HOMER1: variants seen among roughly 807,000 people sequenced by gnomAD.
HOMER1 encodes homer scaffold protein 1, also known as homer protein homolog 1.
A neutral mutation model predicts 48.9 loss-of-function variants in HOMER1; 3 were observed. The observed-to-expected ratio is 0.06, with a 90% confidence interval of 0.03 to 0.16. The LOEUF (loss-of-function observed/expected upper bound fraction) is 0.16. Among genes scored for constraint, HOMER1 ranks in the 10% least tolerant of loss-of-function variants. The pLI is 1.00. For missense variants in HOMER1, 247 were observed against 411.4 expected (o/e 0.60, Z 3.46); for synonymous variants, 134 against 146.4 (o/e 0.92, Z 0.61).
In HOMER1 at chr5:79,404,687, G is replaced by A. The variant is rs370512104; in HGVS notation, c.528-2632C>T. Among the ~76,000 whole-genome samples, 21 of 151,856 alleles carry A rather than the reference G, an allele frequency of 1.4e-4. No homozygotes were observed. The South Asian group carries it at 4.2e-3, about 30-fold the overall frequency. On this transcript the variant is annotated intron_variant, in intron 5 of 8. Transcript: ENST00000334082. ...GAACAGTACTGTTCAAGAGGATCTT[G>A]ACATTCTGCCTTTTCTTTCTTTCTT...
At chr5:79,393,281 C>CA (rs1561346161) in intron 8 of HOMER1, among the ~76,000 whole-genome samples, 1 of 152,012 alleles carries the variant, frequency 6.6e-6, no homozygotes, top group East Asian at 1.9e-4. Flanking sequence ...GGTAATACTA[C>CA]AAAAAATACC....
At chr5:79,468,234 T>C (rs746572817) in intron 1 of HOMER1, among the ~76,000 whole-genome samples, 1 of 152,208 alleles carries the variant, frequency 6.6e-6, no homozygotes, top group Non-Finnish European at 1.5e-5. Context: ...CAGTTCAGTG[T>C]CTGAAAAGCT....
intron 3 of HOMER1, among the ~76,000 whole-genome samples, chr5:79,449,974 T>C (rs1044427818): frequency 6.6e-6 from 1 of 152,152 alleles, no homozygotes; most frequent in African/African-American, 2.4e-5. Flanking sequence ...GTAAGATTTC[T>C]AAAAAGAACC....
intron 8 of HOMER1, among the ~76,000 whole-genome samples, chr5:79,378,956 G>C (rs950437335): frequency 1.3e-5 from 2 of 149,556 alleles, no homozygotes; most frequent in African/African-American, 2.5e-5. Context: ...GCTTGATGGT[G>C]CTAGTCTATT....
In HOMER1 at chr5:79,375,768, A is replaced by AATAT. The variant is rs1748753684; in HGVS notation, c.*237_*240dup. ...AACTTTCTAGTTAACTATGGCCAATAATATACATGGAGGTAATTTGTAGTT... is the reference window on the plus strand; with the variant it reads ...AACTTTCTAGTTAACTATGGCCAATAATATATATACATGGAGGTAATTTGTAGTT... On this transcript the variant is annotated 3_prime_UTR_variant, in exon 9 of 9. Coordinates refer to ENST00000334082, the MANE Select transcript of HOMER1 (RefSeq NM_004272.5). 1 of 347,510 alleles carries AATAT rather than the reference A, an allele frequency of 2.9e-6. No individual in the cohort carries two copies. The highest frequency in any genetic ancestry group is 5.1e-6 in the Non-Finnish European group (1 of 194,192). 21.5% of individuals were successfully genotyped at this position (347,510 alleles called of 1,614,324 possible).
chr5:79,454,414 A>G (rs539618614), intron 2 of HOMER1, among the ~76,000 whole-genome samples: 43 of 152,132 alleles, frequency 2.8e-4, no homozygotes, highest in African/African-American at 9.9e-4. Context: ...GGGCCCAGAA[A>G]CAAAACAGAT....
At chr5:79,442,894 T>C (rs148393029) in intron 4 of HOMER1, among the ~76,000 whole-genome samples, 2 of 152,350 alleles carry the variant, frequency 1.3e-5, no homozygotes, top group African/African-American at 4.8e-5. Context: ...ATTTTTCCTA[T>C]AGTTAGTCAC....
chr5:79,435,623 A>G (rs1392333098), intron 5 of HOMER1, among the ~76,000 whole-genome samples: 2 of 152,030 alleles, frequency 1.3e-5, no homozygotes, highest in Non-Finnish European at 2.9e-5. Flanking sequence ...TGAGGTCAGG[A>G]GATTGAGACC....
intron 5 of HOMER1, among the ~76,000 whole-genome samples, chr5:79,432,462 T>C (rs1452552041): frequency 2.6e-5 from 4 of 152,152 alleles, no homozygotes; most frequent in African/African-American, 7.2e-5. Flanking sequence ...ATTGTAACAG[T>C]AAGGCAGAGG....
intron 1 of HOMER1, among the ~76,000 whole-genome samples, chr5:79,471,320 C>T (rs982823082): frequency 2.6e-5 from 4 of 151,796 alleles, no homozygotes; most frequent in East Asian, 3.9e-4. Context: ...CCGAGGCAGG[C>T]GGATCACCTG....
chr5:79,457,060 T>G lies in HOMER1; in HGVS notation c.6-42A>C, dbSNP rs201252650. 43 of 1,593,224 alleles carry G rather than the reference T, an allele frequency of 2.7e-5. No individual in the cohort carries two copies. The African/African-American group carries it at 5.5e-4, about 20-fold the overall frequency. On this transcript the variant is annotated intron_variant, in intron 1 of 8. Coordinates refer to ENST00000334082, the MANE Select transcript of HOMER1 (RefSeq NM_004272.5). ...AAAATGATGGACTGAAAGCAGCCAG[T>G]TTTATTTCACTAGACAAGAGAACAT...
intron 4 of HOMER1, among the ~76,000 whole-genome samples, chr5:79,444,595 G>A (rs1046188935): frequency 8.6e-5 from 13 of 152,038 alleles, no homozygotes; most frequent in African/African-American, 2.9e-4. Flanking sequence ...CACCAAAGAG[G>A]AACAAGGTGT....
chr5:79,420,057 T>C (rs937441844), intron 5 of HOMER1, among the ~76,000 whole-genome samples: 1 of 152,252 alleles, frequency 6.6e-6, no homozygotes, highest in Non-Finnish European at 1.5e-5. Flanking sequence ...GCTAGTATTG[T>C]GACGGTCATG....
chr5:79,506,209 G>C (rs79622136), intron 1 of HOMER1, among the ~76,000 whole-genome samples: 2 of 151,922 alleles, frequency 1.3e-5, no homozygotes, highest in East Asian at 1.9e-4. Context: ...CCGCCTCACA[G>C]GTTCAAGCGA....
chr5:79,387,737 ACT>A (rs1258524494), intron 8 of HOMER1, among the ~76,000 whole-genome samples: 1 of 152,172 alleles, frequency 6.6e-6, no homozygotes, highest in Non-Finnish European at 1.5e-5. Context: ...TATAAGGAAG[ACT>A]CTGGCTATAA....
At chr5:79,507,029 C>A (rs1032484216) in intron 1 of HOMER1, among the ~76,000 whole-genome samples, 5 of 151,486 alleles carry the variant, frequency 3.3e-5, no homozygotes, top group Middle Eastern at 3.4e-3. Flanking sequence ...CTGGCCAATA[C>A]GGTGAAACCC....
At chr5:79,447,943 G>C (rs1224834895) in intron 3 of HOMER1, among the ~76,000 whole-genome samples, 2 of 152,104 alleles carry the variant, frequency 1.3e-5, no homozygotes, top group African/African-American at 4.8e-5. Context: ...TAAAATATCT[G>C]TTAGAGCTGG....
At chr5:79,487,948 A>G (rs1368136772) in intron 1 of HOMER1, among the ~76,000 whole-genome samples, 3 of 152,234 alleles carry the variant, frequency 2.0e-5, no homozygotes, top group African/African-American at 7.2e-5. Context: ...TATGAGCCAC[A>G]TGTTAATAAT....
intron 5 of HOMER1, among the ~76,000 whole-genome samples, chr5:79,416,005 T>A (rs1298932670): frequency 6.6e-6 from 1 of 152,186 alleles, no homozygotes; most frequent in Non-Finnish European, 1.5e-5. Context: ...GTAAATGTAC[T>A]CTTGAAGACA....
Sources: gnomAD v4.1 joint callset for allele counts (sites outside exome capture counted in the v4.1 genomes callset) on GRCh38, gnomAD v4.1.1 for gene constraint, MANE v1.5 for transcripts, NCBI Gene and HGNC (gene_info 2026-07-23, HGNC 2026-07-21) for gene names.